The following KCNMA1 variants were observed in gnomAD, a reference collection of about 807,000 sequenced individuals.
The protein encoded by KCNMA1 is potassium calcium-activated channel subfamily M alpha 1, also known as Calcium-activated potassium channel subunit alpha-1.
In KCNMA1, 29 loss-of-function variants were observed where a neutral mutation model predicts 140.0. The observed-to-expected ratio is 0.21, with a 90% CI of 0.15 to 0.28. The LOEUF (loss-of-function observed/expected upper bound fraction) is 0.28. KCNMA1 is among the 10% of genes least tolerant of loss of function. The pLI, the probability that KCNMA1 is intolerant of heterozygous loss-of-function variation, is 1.00. For synonymous variants in KCNMA1, 612 were observed against 611.9 expected, an observed-to-expected ratio of 1.00 and a Z score of 0.00; for missense variants, 880 against 1,602.2, an observed-to-expected ratio of 0.55 and a Z score of 7.70.
intron 14 of KCNMA1, among the ~76,000 whole-genome samples, chr10:77,067,531 C>T (rs2096004005): frequency 6.6e-6 from 1 of 152,214 alleles, no homozygotes; most frequent in Non-Finnish European, 1.5e-5. Context: ...GACACCATTG[C>T]TCTGTTTCTG....
chr10:77,366,146 T>TCTTTC (rs2094343594), intron 2 of KCNMA1, among the ~76,000 whole-genome samples: 1 of 150,506 alleles, frequency 6.6e-6, no homozygotes, highest in Non-Finnish European at 1.5e-5. Context: ...CTCTCTCTCT[T>TCTTTC]TCTCTTTCTT....
chr10:77,637,478 A>C lies in KCNMA1; in HGVS notation c.165T>G (p.Ser55=), dbSNP rs1434986408. ...SSSSSSSSSS[S]SSSSSVHEPK... ...GCTCGTGGACCGAGGACGAGGAGGA[A>C]GAGGAGGAGGAAGAAGAAGAAGAGG... The change falls in exon 1 of 28, where the codon TCT becomes TCG. Residue 55 remains serine, a synonymous_variant. Coordinates refer to ENST00000286628, the MANE Select transcript of KCNMA1 (RefSeq NM_001161352.2). 1 of 1,602,016 alleles carries C rather than the reference A, an allele frequency of 6.2e-7. No homozygotes were observed. The highest frequency in any genetic ancestry group is 1.1e-5 in the South Asian group (1 of 89,988).
intron 2 of KCNMA1, among the ~76,000 whole-genome samples, chr10:77,342,236 GC>G (rs2091099505): frequency 6.6e-6 from 1 of 152,158 alleles, no homozygotes; most frequent in African/African-American, 2.4e-5. Context: ...AACAGCAACA[GC>G]AAAATAATAT....
chr10:77,573,983 G>A (rs990657836), intron 1 of KCNMA1, among the ~76,000 whole-genome samples: 5 of 151,882 alleles, frequency 3.3e-5, no homozygotes, highest in South Asian at 2.1e-4. Context: ...GACTACATGC[G>A]TGTGCCAATG....
At chr10:77,587,312 AG>A (rs2077532086) in intron 1 of KCNMA1, among the ~76,000 whole-genome samples, 1 of 152,160 alleles carries the variant, frequency 6.6e-6, no homozygotes, top group Admixed American at 6.5e-5. Context: ...CACTGAATAT[AG>A]GCTTATGTAA....
At chr10:77,533,201 G>T (rs1387342835) in intron 1 of KCNMA1, among the ~76,000 whole-genome samples, 1 of 152,124 alleles carries the variant, frequency 6.6e-6, no homozygotes, top group African/African-American at 2.4e-5. Flanking sequence ...AACATGCCCA[G>T]TGTTGAGACA....
intron 18 of KCNMA1, chr10:77,008,201 T>C: frequency 2.0e-6 from 3 of 1,534,610 alleles, no homozygotes; most frequent in Non-Finnish European, 2.6e-6. Context: ...TCACTACCAG[T>C]GTGCAGTTAA....
At chr10:76,892,395 T>C (rs2151899250) in intron 25 of KCNMA1, among the ~76,000 whole-genome samples, 1 of 152,250 alleles carries the variant, frequency 6.6e-6, no homozygotes, top group Middle Eastern at 3.4e-3. Context: ...GTGTCACATC[T>C]GAAACATAAC....
intron 21 of KCNMA1, chr10:76,952,127 C>A (rs746299806): frequency 1.3e-6 from 2 of 1,551,902 alleles, no homozygotes; most frequent in East Asian, 2.4e-5. Flanking sequence ...TCATTAAAAC[C>A]CTAGGTCCCA....
chr10:77,078,611 C>G (rs569317250), intron 13 of KCNMA1, among the ~76,000 whole-genome samples: 1 of 152,304 alleles, frequency 6.6e-6, no homozygotes, highest in East Asian at 1.9e-4. Flanking sequence ...TCTTACAGAG[C>G]GCATTATGCA....
rs771807869 is a variant in KCNMA1 at position 76,949,362 on chromosome 10, C to T, written c.2489G>A (p.Arg830Gln). 14 of 1,613,386 alleles carry T rather than the reference C, an allele frequency of 8.7e-6. No individual in the cohort carries two copies. The highest frequency in any genetic ancestry group is 1.1e-5 in the Non-Finnish European group (13 of 1,179,648). The change falls in exon 22 of 28, where the codon CGA becomes CAA. Residue 830 changes from arginine (R) to glutamine (Q), a missense_variant. By Grantham distance (43) the Arg-to-Gln change is conservative. Transcript: ENST00000286628. The stretch of plus-strand genomic sequence containing the variant: ...CAGGACGGTCATGGCAGCTTCACTT[C>T]GAGTCTACAACAGGGAGAAGTGGGT... ...PKEIEKVILT[R>Q]SEAAMTVLSG...
rs148043241 is a variant in KCNMA1 at position 77,576,405 on chromosome 10, C to A, written c.378+60860G>T. ...TTAGCCTCTCTTTCTCCCTACGAAA[C>A]AATCCCCCATCCTTTAACTCCTCTT... On this transcript the variant is annotated intron_variant, in intron 1 of 27. Coordinates refer to ENST00000286628, the MANE Select transcript of KCNMA1 (RefSeq NM_001161352.2). Among the ~76,000 whole-genome samples, 5 of 152,334 alleles carry A rather than the reference C, an allele frequency of 3.3e-5. No homozygotes were observed. In the East Asian group the frequency reaches 7.7e-4, roughly 23 times the overall value.
intron 1 of KCNMA1, among the ~76,000 whole-genome samples, chr10:77,445,395 CAT>C (rs1491181945): frequency 0.022 from 3,299 of 148,940 alleles, 40 homozygotes; most frequent in Non-Finnish European, 0.035. Flanking sequence ...CACACACACA[CAT>C]ATGAAAAATA....
chr10:77,252,575 G>A (rs1042269193), intron 2 of KCNMA1, among the ~76,000 whole-genome samples: 8 of 151,546 alleles, frequency 5.3e-5, no homozygotes, highest in Admixed American at 1.3e-4. Context: ...GTGTGCCTGT[G>A]TATGTATGAG....
chr10:76,983,808 C>T (rs2080326310), intron 19 of KCNMA1, among the ~76,000 whole-genome samples: 1 of 151,814 alleles, frequency 6.6e-6, no homozygotes. Context: ...TTTCAATTCT[C>T]CCCTTCTGTA....
At chr10:77,249,039 A>G (rs2059187689) in intron 3 of KCNMA1, among the ~76,000 whole-genome samples, 1 of 152,228 alleles carries the variant, frequency 6.6e-6, no homozygotes, top group Non-Finnish European at 1.5e-5. Context: ...ATGCCAAATC[A>G]CACAGTTTAG....
intron 3 of KCNMA1, among the ~76,000 whole-genome samples, chr10:77,243,358 C>A (rs1431679023): frequency 6.6e-6 from 1 of 152,198 alleles, no homozygotes; most frequent in Non-Finnish European, 1.5e-5. Context: ...TAGGGAAAGG[C>A]CCAGTGCCAT....
At chr10:77,482,735 TCTC>T (rs1359794589) in intron 1 of KCNMA1, among the ~76,000 whole-genome samples, 1 of 151,912 alleles carries the variant, frequency 6.6e-6, no homozygotes, top group Admixed American at 6.6e-5. Context: ...CTCAATCTGT[TCTC>T]CTCTGGCCTA....
chr10:77,388,220 G>C (rs2095686509), intron 2 of KCNMA1, among the ~76,000 whole-genome samples: 1 of 152,188 alleles, frequency 6.6e-6, no homozygotes, highest in Non-Finnish European at 1.5e-5. Context: ...TGTGAAATAA[G>C]AACTGGTATG....
Sources: gnomAD v4.1 joint callset for allele counts (sites outside exome capture counted in the v4.1 genomes callset) on GRCh38, gnomAD v4.1.1 for gene constraint, MANE v1.5 for transcripts, NCBI Gene and HGNC (gene_info 2026-07-23, HGNC 2026-07-21) for gene names.